RAB3B: variants seen among roughly 807,000 people sequenced by gnomAD.
RAB3B encodes ras-related protein Rab-3B.
RAB3B carries 11 observed loss-of-function variants against 20.5 expected under a neutral mutation model. That is an observed-to-expected ratio of 0.54 (90% CI 0.34 to 0.89). The LOEUF (loss-of-function observed/expected upper bound fraction) is 0.89. Among genes scored for constraint, RAB3B ranks in the 40% least tolerant of loss-of-function variants. RAB3B has a pLI of 0.02. For missense variants in RAB3B, 225 were observed against 280.9 expected (o/e 0.80, Z 1.42); for synonymous variants, 99 against 106.3 (o/e 0.93, Z 0.42).
intron 2 of RAB3B, among the ~76,000 whole-genome samples, chr1:51,969,471 G>C (rs555339753): frequency 1.3e-5 from 2 of 152,288 alleles, no homozygotes; most frequent in African/African-American, 4.8e-5. Context: ...TTGAGTGAAT[G>C]GTGTACGGGC....
At chr1:51,941,675 T>C (rs542013684) in intron 2 of RAB3B, among the ~76,000 whole-genome samples, 7 of 152,308 alleles carry the variant, frequency 4.6e-5, no homozygotes, top group Middle Eastern at 3.4e-3. Flanking sequence ...CCTTACTCCA[T>C]AAAACAAAAC....
rs111702922 is a variant in RAB3B, at chr1:51,964,558, G to A, written c.228+12332C>T. ...CCATATCTCTACTTGGTTATCTAAC[G>A]GGTATCTCCAACTTAGCATAACCAA... On this transcript the variant is annotated intron_variant, in intron 2 of 4. Coordinates refer to ENST00000371655, the MANE Select transcript of RAB3B (RefSeq NM_002867.4). 3.0e-3 allele frequency among the ~76,000 whole-genome samples: 462 copies of A among 151,888 alleles called. 2 individuals are homozygous for A. The highest frequency in any genetic ancestry group is 0.011 in the African/African-American group (446 of 41,418).
intron 1 of RAB3B, among the ~76,000 whole-genome samples, chr1:51,986,507 G>A (rs1685154270): frequency 6.6e-6 from 1 of 152,088 alleles, no homozygotes. Flanking sequence ...TCGGTACTTG[G>A]GAGGCTGAGG....
At chr1:51,949,728 A>C (rs571964691) in intron 2 of RAB3B, among the ~76,000 whole-genome samples, 87 of 152,318 alleles carry the variant, frequency 5.7e-4, no homozygotes, top group African/African-American at 1.9e-3. Flanking sequence ...AGACAGTGGC[A>C]TGCTAACAGC....
At chr1:51,973,070 G>A (rs567678311) in intron 2 of RAB3B, among the ~76,000 whole-genome samples, 1 of 152,262 alleles carries the variant, frequency 6.6e-6, no homozygotes, top group South Asian at 2.1e-4. Flanking sequence ...ACTGAAGCCA[G>A]GAATTTTTCT....
At chr1:51,969,233 G>C (rs1684895842) in intron 2 of RAB3B, among the ~76,000 whole-genome samples, 1 of 152,192 alleles carries the variant, frequency 6.6e-6, no homozygotes, top group Admixed American at 6.5e-5. Flanking sequence ...GGAGGTCGAG[G>C]CTGCAGTAAA....
intron 2 of RAB3B, among the ~76,000 whole-genome samples, chr1:51,970,607 A>G (rs1331283282): frequency 1.3e-5 from 2 of 152,052 alleles, no homozygotes; most frequent in Non-Finnish European, 2.9e-5. Context: ...GAATCCCCTA[A>G]GAGAGATCAA....
chr1:51,937,252 T>C, intron 3 of RAB3B, 42 bp downstream of exon 3: 1 of 1,472,582 alleles, frequency 6.8e-7, no homozygotes, highest in African/African-American at 1.4e-5. Flanking sequence ...TAGGTTTTAA[T>C]GAACAGTTTG....
Position 51,923,974 on chromosome 1 carries a change from A to G in RAB3B, c.473-3860T>C, listed in dbSNP as rs572931092. Among the ~76,000 whole-genome samples, 13 of 152,334 alleles carry G rather than the reference A, an allele frequency of 8.5e-5. 1 individual carries two copies. The South Asian group carries it at 2.5e-3, about 29-fold the overall frequency. ...ATTCTCCTCTGTGCTTCCTCCTGCC[A>G]TAGCACTTTTTACCCTGCATGGCAG... is the stretch of plus-strand genomic sequence containing the variant. On this transcript the variant is annotated intron_variant, in intron 4 of 4. Coordinates refer to ENST00000371655, the MANE Select transcript of RAB3B (RefSeq NM_002867.4).
intron 4 of RAB3B, among the ~76,000 whole-genome samples, chr1:51,924,072 A>G (rs1684210705): frequency 6.6e-6 from 1 of 152,100 alleles, no homozygotes; most frequent in African/African-American, 2.4e-5. Context: ...CTGGAAGAGT[A>G]GGTGCTTAGT....
chr1:51,926,602 C>T (rs983657368), intron 4 of RAB3B, among the ~76,000 whole-genome samples: 1 of 152,170 alleles, frequency 6.6e-6, no homozygotes, highest in African/African-American at 2.4e-5. Context: ...AACCCTTATT[C>T]TCCTGACTCA....
chr1:51,941,116 T>C (rs1209628356), intron 2 of RAB3B, among the ~76,000 whole-genome samples: 1 of 152,024 alleles, frequency 6.6e-6, no homozygotes, highest in Non-Finnish European at 1.5e-5. Context: ...TATTTGGCAA[T>C]ATAAGGAGAA....
At chr1:51,982,724 G>A (rs1685103601) in intron 1 of RAB3B, among the ~76,000 whole-genome samples, 1 of 151,712 alleles carries the variant, frequency 6.6e-6, no homozygotes, top group Admixed American at 6.6e-5. Context: ...ACTCCAGCCT[G>A]GGTGACAGAG....
rs920903828 is a variant in RAB3B at position 51,914,539 on chromosome 1, A to G, written c.*5388T>C. ...AATTTGCCACTACTTGTATCCTGGC[A>G]CATAATATATATTCATTTGTTGAGA... is the stretch of plus-strand genomic sequence containing the variant. On this transcript the variant is annotated 3_prime_UTR_variant, in exon 5 of 5. Transcript: ENST00000371655. The G allele has an allele frequency of 1.3e-5, 2 of 152,240 alleles. No individual in the cohort carries two copies. The highest frequency in any genetic ancestry group is 2.9e-5 in the Non-Finnish European group (2 of 68,048). 9.4% of individuals were successfully genotyped at this position (152,240 alleles called of 1,614,324 possible). A position where few individuals can be genotyped will look rare whatever the true frequency, so the allele number is the denominator to read the frequency against.
intron 4 of RAB3B, among the ~76,000 whole-genome samples, chr1:51,920,603 T>C (rs956508539): frequency 1.3e-5 from 2 of 152,212 alleles, no homozygotes; most frequent in African/African-American, 2.4e-5. Context: ...ATGTTGCCCC[T>C]GAGGAAGGAG....
intron 2 of RAB3B, among the ~76,000 whole-genome samples, chr1:51,970,553 T>C (rs1684914721): frequency 6.6e-6 from 1 of 152,072 alleles, no homozygotes; most frequent in Non-Finnish European, 1.5e-5. Context: ...CTATTGTGGG[T>C]GGCCCTGCTC....
intron 2 of RAB3B, among the ~76,000 whole-genome samples, chr1:51,969,267 A>G (rs2124300787): frequency 6.6e-6 from 1 of 152,348 alleles, no homozygotes; most frequent in East Asian, 1.9e-4. Flanking sequence ...ACTGCACTCC[A>G]GCCTCGGACA....
At chr1:51,943,576 A>G (rs1020733777) in intron 2 of RAB3B, among the ~76,000 whole-genome samples, 4 of 152,236 alleles carry the variant, frequency 2.6e-5, no homozygotes, top group Non-Finnish European at 1.5e-5. Context: ...ACGTTAGCCA[A>G]ATTGTAAATG....
At chr1:51,947,700 C>T (rs1684584023) in intron 2 of RAB3B, among the ~76,000 whole-genome samples, 2 of 152,152 alleles carry the variant, frequency 1.3e-5, no homozygotes, top group African/African-American at 4.8e-5. Context: ...TTCATTTCTG[C>T]TCTATATCTC....
Sources: gnomAD v4.1 joint callset for allele counts (sites outside exome capture counted in the v4.1 genomes callset) on GRCh38, gnomAD v4.1.1 for gene constraint, MANE v1.5 for transcripts, NCBI Gene and HGNC (gene_info 2026-07-23, HGNC 2026-07-21) for gene names.